The following SUSD6 variants were observed in gnomAD, a reference collection of about 807,000 sequenced individuals.
SUSD6 encodes the protein sushi domain containing 6, also known as sushi domain-containing protein 6.
In SUSD6, 16 loss-of-function variants were observed where a neutral mutation model predicts 28.4. That is an observed-to-expected ratio of 0.56 (90% confidence interval 0.38 to 0.86). The LOEUF (loss-of-function observed/expected upper bound fraction) is 0.86, where lower values mean the gene tolerates loss of function less well. Ranked by LOEUF, SUSD6 falls within the 40% of genes least tolerant of loss-of-function variation. SUSD6 has a pLI of 0.00. For synonymous variants in SUSD6, 147 were observed against 159.6 expected (o/e 0.92, Z 0.59); for missense variants, 341 against 384.2 (o/e 0.89, Z 0.94).
At chr14:69,637,158 C>G (rs1885276746) in intron 1 of SUSD6, among the ~76,000 whole-genome samples, 1 of 152,110 alleles carries the variant, frequency 6.6e-6, no homozygotes, top group African/African-American at 2.4e-5. Context: ...AATGCCCCAC[C>G]ACTCCCTGTA....
intron 1 of SUSD6, among the ~76,000 whole-genome samples, chr14:69,648,722 A>G (rs967360434): frequency 1.3e-5 from 2 of 152,246 alleles, no homozygotes; most frequent in Middle Eastern, 3.4e-3. Flanking sequence ...AGGGTTTGCT[A>G]TTTTTGACCT....
chr14:69,616,313 A>G (rs957955074), intron 1 of SUSD6, among the ~76,000 whole-genome samples: 2 of 152,252 alleles, frequency 1.3e-5, no homozygotes, highest in Non-Finnish European at 2.9e-5. Context: ...TTCTAAGTCC[A>G]ACCTACTGCC....
At chr14:69,699,305 G>A (rs146271908) in intron 2 of SUSD6, among the ~76,000 whole-genome samples, 429 of 152,208 alleles carry the variant, frequency 2.8e-3, no homozygotes, top group African/African-American at 0.01. Flanking sequence ...ATGGGTTCAA[G>A]CAATTCTTGT....
At position 69,705,503 on chromosome 14, in the gene SUSD6, G is replaced by A. The variant is rs77249463; in HGVS notation, c.458+761G>A. ...ATATTGTTTAACAAGCTGTCCAGGTGATTTTGATGAACACTTAAGTTTGTG... is the reference window on the plus strand; with the variant it reads ...ATATTGTTTAACAAGCTGTCCAGGTAATTTTGATGAACACTTAAGTTTGTG... On this transcript the variant is annotated intron_variant, in intron 4 of 5. Coordinates refer to ENST00000342745, the MANE Select transcript of SUSD6 (RefSeq NM_014734.4). 8.4e-3 allele frequency among the ~76,000 whole-genome samples: 1,283 copies of A among 152,198 alleles called. 13 individuals are homozygous for A. The highest frequency in any genetic ancestry group is 0.029 in the African/African-American group (1,219 of 41,514).
intron 3 of SUSD6, among the ~76,000 whole-genome samples, chr14:69,703,998 C>T (rs1193096739): frequency 6.6e-6 from 1 of 152,228 alleles, no homozygotes; most frequent in African/African-American, 2.4e-5. Flanking sequence ...CTTACTGCTT[C>T]CTCCTGTCTT....
chr14:69,671,122 G>A (rs1158472532), intron 2 of SUSD6, among the ~76,000 whole-genome samples: 1 of 152,230 alleles, frequency 6.6e-6, no homozygotes, highest in Admixed American at 6.5e-5. Flanking sequence ...TGTCCTGGCT[G>A]AATTGTCAGA....
Position 69,639,956 on chromosome 14 carries a change from G to GTTTTTTTTTTTTT in SUSD6, c.-80-18546_-80-18534dup, listed in dbSNP as rs11463756. 1.5e-3 allele frequency among the ~76,000 whole-genome samples: 125 copies of GTTTTTTTTTTTTT among 81,640 alleles called. 4 individuals carry two copies. The highest frequency in any genetic ancestry group is 6.0e-3 in the South Asian group (10 of 1,676). 53.6% of individuals were successfully genotyped at this position (81,640 alleles called of 152,430 possible). ...AGAGTCCCTCTGGGGCACCTACACT[G>GTTTTTTTTTTTTT]TTTTTTTTTTTTTTTTTTTTTTTGC... On this transcript the variant is annotated intron_variant, in intron 1 of 5. Coordinates refer to ENST00000342745, the MANE Select transcript of SUSD6 (RefSeq NM_014734.4).
chr14:69,655,652 AAGTT>A (rs929759733), intron 1 of SUSD6, among the ~76,000 whole-genome samples: 1 of 151,846 alleles, frequency 6.6e-6, no homozygotes, highest in Non-Finnish European at 1.5e-5. Flanking sequence ...AAAAAAAAAA[AAGTT>A]AGGTGTGGTG....
chr14:69,711,235 T>C lies in SUSD6; in HGVS notation c.*256T>C. On this transcript the variant is annotated 3_prime_UTR_variant, in exon 6 of 6. Transcript: ENST00000342745. Reference sequence around the variant, plus strand: ...GCCTTCCCATCTGTCAGAGACATATTTGAATGTGCTGGATCAAACCCTCCC... The same window carrying C: ...GCCTTCCCATCTGTCAGAGACATATCTGAATGTGCTGGATCAAACCCTCCC... 7.2e-6 allele frequency: 4 copies of C among 556,816 alleles called. No homozygotes were observed. The highest frequency in any genetic ancestry group is 6.0e-5 in the East Asian group (2 of 33,108). The allele number at this position is 556,816 out of a possible 1,614,324, so 34.5% of individuals were successfully genotyped here. A position where few individuals can be genotyped will look rare whatever the true frequency, so the allele number is the denominator to read the frequency against.
chr14:69,613,412 G>A (rs1457534057), intron 1 of SUSD6, among the ~76,000 whole-genome samples: 1 of 152,168 alleles, frequency 6.6e-6, no homozygotes, highest in East Asian at 1.9e-4. Flanking sequence ...CCTTCTGAAA[G>A]CACTGCTGCT....
At chr14:69,695,382 A>G (rs1266403662) in intron 2 of SUSD6, among the ~76,000 whole-genome samples, 1 of 152,212 alleles carries the variant, frequency 6.6e-6, no homozygotes, top group African/African-American at 2.4e-5. Flanking sequence ...CTTGTGCTGT[A>G]TCCAAAACCA....
At chr14:69,709,905 C>T (rs369014716) in intron 5 of SUSD6, among the ~76,000 whole-genome samples, 13 of 152,224 alleles carry the variant, frequency 8.5e-5, no homozygotes, top group African/African-American at 2.9e-4. Flanking sequence ...GACTTGTACA[C>T]TCAGAAAGCC....
At chr14:69,697,923 G>A (rs1317728384) in intron 2 of SUSD6, among the ~76,000 whole-genome samples, 2 of 152,226 alleles carry the variant, frequency 1.3e-5, no homozygotes, top group Non-Finnish European at 2.9e-5. Flanking sequence ...TGGGGGCATG[G>A]TTCTGTTACC....
intron 1 of SUSD6, among the ~76,000 whole-genome samples, chr14:69,645,811 G>A (rs1407625222): frequency 2.6e-5 from 4 of 151,272 alleles, no homozygotes; most frequent in East Asian, 1.9e-4. Flanking sequence ...GTGCAATGGC[G>A]CGATCTCAGC....
intron 2 of SUSD6, among the ~76,000 whole-genome samples, chr14:69,662,420 T>C (rs1885676827): frequency 6.6e-6 from 1 of 152,194 alleles, no homozygotes; most frequent in Non-Finnish European, 1.5e-5. Flanking sequence ...TAAAATTACA[T>C]CATGTTTAAA....
intron 2 of SUSD6, among the ~76,000 whole-genome samples, chr14:69,665,968 G>A (rs949235203): frequency 3.9e-5 from 6 of 152,114 alleles, no homozygotes; most frequent in African/African-American, 1.2e-4. Flanking sequence ...AACATTGCTC[G>A]GTACACAAAT....
rs1169955265 is a variant in SUSD6 at position 69,611,775 on chromosome 14, G to T, written c.-134G>T. ...GAGAAGACTGCGGGCGCGCGCAAGC[G>T]GCGGCGTGGAAGCTGTGAGCGCCCC... On this transcript the variant is annotated 5_prime_UTR_variant, in exon 1 of 6. Coordinates refer to ENST00000342745, the MANE Select transcript of SUSD6 (RefSeq NM_014734.4). The T allele has an allele frequency of 6.6e-6, 1 of 151,302 alleles. No homozygotes were observed. Among genetic ancestry groups the T allele is most frequent in the African/African-American group, 2.4e-5 (1 of 41,358 alleles). 9.4% of individuals were successfully genotyped at this position (151,302 alleles called of 1,614,324 possible). A position where few individuals can be genotyped will look rare whatever the true frequency, so the allele number is the denominator to read the frequency against.
chr14:69,653,747 C>CTTTTTTTTTTTT lies in SUSD6; in HGVS notation c.-80-4757_-80-4746dup, dbSNP rs3048700. Among the ~76,000 whole-genome samples, 129 of 93,228 alleles carry CTTTTTTTTTTTT rather than the reference C, an allele frequency of 1.4e-3. 1 individual carries two copies. The highest frequency in any genetic ancestry group is 3.2e-3 in the African/African-American group (77 of 24,422). 61.2% of individuals were successfully genotyped at this position (93,228 alleles called of 152,430 possible). ...TAGGGATAATGAATACCTAGTGAAA[C>CTTTTTTTTTTTT]TTTTTTTTTTTTTTTTTTTTGCTTG... On this transcript the variant is annotated intron_variant, in intron 1 of 5. Coordinates refer to ENST00000342745, the MANE Select transcript of SUSD6 (RefSeq NM_014734.4).
chr14:69,701,902 G>A (rs2139644511), intron 2 of SUSD6, among the ~76,000 whole-genome samples: 1 of 152,276 alleles, frequency 6.6e-6, no homozygotes, highest in Middle Eastern at 3.4e-3. Flanking sequence ...TGAGGGTAGG[G>A]AGCCATCATC....
Sources: gnomAD v4.1 joint callset for allele counts (sites outside exome capture counted in the v4.1 genomes callset) on GRCh38, gnomAD v4.1.1 for gene constraint, MANE v1.5 for transcripts, NCBI Gene and HGNC (gene_info 2026-07-23, HGNC 2026-07-21) for gene names.